The following CYFIP1 variants were observed in gnomAD, a reference collection of about 807,000 sequenced individuals.
CYFIP1 encodes the protein cytoplasmic FMR1 interacting protein 1.
Under a neutral mutation model 163.5 loss-of-function variants are expected in CYFIP1, and 58 were observed. The observed-to-expected ratio is 0.35, with a 90% CI of 0.29 to 0.44. The LOEUF (loss-of-function observed/expected upper bound fraction) is 0.44. CYFIP1 is among the 20% of genes least tolerant of loss of function. CYFIP1 has a pLI of 1.00. For missense variants in CYFIP1, 1,338 were observed against 1,653.8 expected (o/e 0.81, Z 3.31); for synonymous variants, 663 against 660.7 (o/e 1.00, Z -0.05).
intron 13 of CYFIP1, among the ~76,000 whole-genome samples, chr15:22,919,499 T>C (rs2061106636): frequency 6.6e-6 from 1 of 152,180 alleles, no homozygotes; most frequent in East Asian, 1.9e-4. Flanking sequence ...TTTATAAATA[T>C]TTCTACAGCC....
In CYFIP1 at chr15:22,873,670, C is replaced by G. The variant is rs757530120; in HGVS notation, c.3270G>C (p.Leu1090=). The G allele has an allele frequency of 1.2e-6, 2 of 1,614,240 alleles. No homozygotes were observed. Among genetic ancestry groups the G allele is most frequent in the Admixed American group, 1.7e-5 (1 of 60,028 alleles). ...GTGTCAGGATGACCTCAAACATGGA[C>G]AGGCCGCAGCAGAGGCGCTCCTTTG... ...LLTKERLCCG[L]SMFEVILTRI... is the part of the protein sequence containing the mutation. The change falls in exon 29 of 31, where the codon CTG becomes CTC. Residue 1090 remains leucine, a synonymous_variant. Coordinates refer to ENST00000617928, the MANE Select transcript of CYFIP1 (RefSeq NM_014608.6).
At chr15:22,965,006 C>T (rs893880054) in intron 1 of CYFIP1, among the ~76,000 whole-genome samples, 8 of 151,414 alleles carry the variant, frequency 5.3e-5, no homozygotes, top group Non-Finnish European at 1.2e-4. Context: ...GACAGGATTT[C>T]CTTCTTTTTA....
intron 13 of CYFIP1, among the ~76,000 whole-genome samples, chr15:22,921,543 C>T (rs1197410709): frequency 6.6e-6 from 1 of 151,798 alleles, no homozygotes; most frequent in African/African-American, 2.4e-5. Flanking sequence ...AGGCCAGGCA[C>T]AGTAGCTCAC....
intron 12 of CYFIP1, among the ~76,000 whole-genome samples, chr15:22,927,576 G>C (rs1026519103): frequency 6.6e-5 from 10 of 151,836 alleles, no homozygotes; most frequent in African/African-American, 2.4e-4. Flanking sequence ...AGGATCGCTT[G>C]GGGTGGGGAG....
chr15:22,867,253 A>G lies in CYFIP1; in HGVS notation c.*2775T>C. ...TTTTTTATTTTAAAAAAACAGAGTTATCCCAATACATTATCCTGTGATTTA... is the reference window on the plus strand; with the variant it reads ...TTTTTTATTTTAAAAAAACAGAGTTGTCCCAATACATTATCCTGTGATTTA... On this transcript the variant is annotated 3_prime_UTR_variant, in exon 31 of 31. Coordinates refer to ENST00000617928, the MANE Select transcript of CYFIP1 (RefSeq NM_014608.6). 2.5e-6 allele frequency: 1 copy of G among 402,796 alleles called. No homozygotes were observed. The highest frequency in any genetic ancestry group is 4.4e-6 in the Non-Finnish European group (1 of 228,890). The allele number at this position is 402,796 out of a possible 1,614,324, so 25.0% of individuals were successfully genotyped here.
intron 15 of CYFIP1, 117 bp from the exon 16 acceptor site, chr15:22,916,747 C>T: frequency 6.2e-7 from 1 of 1,611,374 alleles, no homozygotes; most frequent in Non-Finnish European, 8.5e-7. Context: ...TCGGGAGGGC[C>T]CCGCACCAGC....
intron 21 of CYFIP1, chr15:22,904,282 G>A (rs2060498465): frequency 3.4e-6 from 1 of 296,620 alleles, no homozygotes; most frequent in Admixed American, 4.6e-5. Flanking sequence ...TTGGAGCTGA[G>A]CCAGCTTTCT....
chr15:22,916,385 G>A, intron 16 of CYFIP1, 92 bp downstream of exon 16: 1 of 952,538 alleles, frequency 1.0e-6, no homozygotes, highest in South Asian at 1.5e-5. Flanking sequence ...AAGGGACGGG[G>A]TAGGGGGTGG....
In CYFIP1 at chr15:22,955,447, C is replaced by A. The variant is rs144161024; in HGVS notation, c.-6-8156G>T. 5.7e-3 allele frequency among the ~76,000 whole-genome samples: 865 copies of A among 152,308 alleles called. 8 individuals carry two copies. The highest frequency in any genetic ancestry group is 0.02 in the African/African-American group (831 of 41,558). On this transcript the variant is annotated intron_variant, in intron 1 of 30. Coordinates refer to ENST00000617928, the MANE Select transcript of CYFIP1 (RefSeq NM_014608.6). ...GTGAGGTGCTGGAGACCGATTTAGG[C>A]CTGAGGGGCAGGACAGAGGCAGCAT...
chr15:22,871,319 A>G (rs1300837770), intron 30 of CYFIP1, among the ~76,000 whole-genome samples: 1 of 152,258 alleles, frequency 6.6e-6, no homozygotes, highest in Non-Finnish European at 1.5e-5. Context: ...TAAGAGATGG[A>G]AAAAGTTCAG....
chr15:22,958,140 G>C (rs1427920471), intron 1 of CYFIP1, among the ~76,000 whole-genome samples: 5 of 151,264 alleles, frequency 3.3e-5, no homozygotes, highest in Non-Finnish European at 7.4e-5. Context: ...TTGTCACCCG[G>C]GCTGGCGCAA....
Position 22,867,189 on chromosome 15 carries a change from T to C in CYFIP1, c.*2839A>G. 1 of 435,080 alleles carries C rather than the reference T, an allele frequency of 2.3e-6. No homozygotes were observed. Among genetic ancestry groups the C allele is most frequent in the Non-Finnish European group, 4.0e-6 (1 of 248,704 alleles). 27.0% of individuals were successfully genotyped at this position (435,080 alleles called of 1,614,324 possible). On this transcript the variant is annotated 3_prime_UTR_variant, in exon 31 of 31. Transcript: ENST00000617928. Reference sequence around the variant, plus strand: ...GGTGATGAAAGTCTGAAATGTGCATTTGTCATCCCCACTCCATCAATCCCT... The same window carrying C: ...GGTGATGAAAGTCTGAAATGTGCATCTGTCATCCCCACTCCATCAATCCCT...
chr15:22,958,125 C>T (rs1373261236), intron 1 of CYFIP1, among the ~76,000 whole-genome samples: 3 of 149,046 alleles, frequency 2.0e-5, no homozygotes, highest in South Asian at 2.1e-4. Flanking sequence ...AATGGAGTCT[C>T]GTTCTTGTCA....
chr15:22,944,483 G>C, intron 5 of CYFIP1, 75 bp downstream of exon 5: 2 of 958,014 alleles, frequency 2.1e-6, no homozygotes, highest in Non-Finnish European at 3.3e-6. Flanking sequence ...TGTTCACAGT[G>C]ACAGTGATGG....
At chr15:22,924,149 C>T (rs906971275) in intron 13 of CYFIP1, among the ~76,000 whole-genome samples, 3 of 152,084 alleles carry the variant, frequency 2.0e-5, no homozygotes, top group Non-Finnish European at 4.4e-5. Context: ...AGTGGCCTGG[C>T]ACGGTAGCTC....
At chr15:22,876,489 T>C (rs934325716) in intron 26 of CYFIP1, among the ~76,000 whole-genome samples, 1 of 152,074 alleles carries the variant, frequency 6.6e-6, no homozygotes, top group African/African-American at 2.4e-5. Flanking sequence ...TATAATTATT[T>C]ATGTCCATGA....
chr15:22,877,703 T>G (rs1478680386), intron 26 of CYFIP1, among the ~76,000 whole-genome samples: 1 of 151,894 alleles, frequency 6.6e-6, no homozygotes, highest in African/African-American at 2.4e-5. Flanking sequence ...GAGGGGAGCA[T>G]GGGAGGAGAT....
At chr15:22,944,491 TGG>T (rs1471873727) in intron 5 of CYFIP1, 65 bp downstream of exon 5, 13 of 1,027,614 alleles carry the variant, frequency 1.3e-5, no homozygotes, top group Non-Finnish European at 1.6e-5. Flanking sequence ...GTGACAGTGA[TGG>T]GTAGGAAGGG....
intron 30 of CYFIP1, chr15:22,872,606 T>C (rs2059469296): frequency 1.9e-6 from 1 of 523,358 alleles, no homozygotes; most frequent in South Asian, 2.1e-5. Flanking sequence ...TAAATCTAAG[T>C]ACCTTGAGAA....
Sources: gnomAD v4.1 joint callset for allele counts (sites outside exome capture counted in the v4.1 genomes callset) on GRCh38, gnomAD v4.1.1 for gene constraint, MANE v1.5 for transcripts, NCBI Gene and HGNC (gene_info 2026-07-23, HGNC 2026-07-21) for gene names.